RBM5: variants seen among roughly 807,000 people sequenced by gnomAD.
RBM5 encodes RNA binding motif protein 5.
Under a neutral mutation model 124.6 loss-of-function variants are expected in RBM5, and 15 were observed. The ratio of observed to expected loss-of-function variants is 0.12; its 90% CI spans 0.08 to 0.19. The LOEUF (loss-of-function observed/expected upper bound fraction) is 0.19, where lower values mean the gene tolerates loss of function less well. RBM5 is among the 10% of genes least tolerant of loss of function. The probability of loss-of-function intolerance (pLI) is 1.00; values close to 1 mark genes in which losing one functional copy is unlikely to be tolerated. For missense variants in RBM5, 580 were observed against 1,026.5 expected, an observed-to-expected ratio of 0.57 and a Z score of 5.94; for synonymous variants, 337 against 361.2, an observed-to-expected ratio of 0.93 and a Z score of 0.76.
intron 11 of RBM5, 54 bp downstream of exon 11, chr3:50,106,918 G>A (rs2091043911): frequency 3.6e-6 from 5 of 1,394,552 alleles, no homozygotes; most frequent in African/African-American, 1.4e-5. Context: ...CATTTGTACA[G>A]TGTGCTAACT....
chr3:50,116,806 C>A (rs1310363204), intron 22 of RBM5: 10 of 436,918 alleles, frequency 2.3e-5, no homozygotes, highest in Non-Finnish European at 4.3e-5. Flanking sequence ...GGTTGAGTAG[C>A]TTGACAGAGG....
chr3:50,093,276 A>G (rs1463967879), intron 3 of RBM5, among the ~76,000 whole-genome samples: 1 of 151,640 alleles, frequency 6.6e-6, no homozygotes, highest in Admixed American at 6.6e-5. Context: ...TGTCTCTACT[A>G]AAAATACAAA....
chr3:50,098,897 G>C (rs1350493379), intron 4 of RBM5, among the ~76,000 whole-genome samples: 1 of 152,152 alleles, frequency 6.6e-6, no homozygotes, highest in African/African-American at 2.4e-5. Context: ...AAAGGACAGG[G>C]AGATTAGACT....
rs978493759 is a variant in RBM5, at chr3:50,105,553, C to A, written c.699C>A (p.Ile233=). The A allele has an allele frequency of 6.2e-7, 1 of 1,612,936 alleles. No homozygotes were observed. Among genetic ancestry groups the A allele is most frequent in the Admixed American group, 1.7e-5 (1 of 59,792 alleles). The change falls in exon 10 of 25, where the codon ATC becomes ATA. Residue 233 remains isoleucine, a synonymous_variant. Transcript: ENST00000347869. ...ATTTGTCTCATTTACCCCTAGCGAT[C>A]ATTCTTCGGAACATAGCTCCGCACA... ...VQSVDYYCDT[I]ILRNIAPHTV...
intron 8 of RBM5, 72 bp downstream of exon 8, chr3:50,104,380 G>T: frequency 6.9e-7 from 1 of 1,450,108 alleles, no homozygotes; most frequent in Non-Finnish European, 9.7e-7. Flanking sequence ...GTGGCTCACT[G>T]TAATCCCACC....
At chr3:50,099,767 CAGG>C (rs1219853677) in intron 4 of RBM5, 1 of 389,404 alleles carries the variant, frequency 2.6e-6, no homozygotes, top group Non-Finnish European at 4.7e-6. Context: ...GAGGCTGAGG[CAGG>C]AGAATTGCTT....
At position 50,107,581 on chromosome 3, in the gene RBM5, G is replaced by A. The variant is rs2091056489; in HGVS notation, c.1041+12G>A. The stretch of plus-strand genomic sequence containing the variant: ...GGTCATCCACCCAGGTAAGATCGAG[G>A]ATCTTTTTGCTCAAGGTAGTGTGGT... On this transcript the variant is annotated intron_variant, in intron 12 of 24. Transcript: ENST00000347869. 2 of 1,577,282 alleles carry A rather than the reference G, an allele frequency of 1.3e-6. No homozygotes were observed. Among genetic ancestry groups the A allele is most frequent in the Non-Finnish European group, 1.7e-6 (2 of 1,149,432 alleles).
intron 2 of RBM5, 52 bp downstream of exon 2, chr3:50,090,503 ACTCC>A: frequency 6.3e-7 from 1 of 1,595,430 alleles, no homozygotes; most frequent in Non-Finnish European, 8.6e-7. Context: ...TGGGGACTGA[ACTCC>A]TTGTTTAAAA....
At chr3:50,106,614 A>G (rs2091037906) in intron 10 of RBM5, 153 bp from the exon 11 acceptor site, 4 of 608,834 alleles carry the variant, frequency 6.6e-6, no homozygotes, top group Non-Finnish European at 1.2e-5. Flanking sequence ...GGAAAGAGAG[A>G]TATTCCTTTC....
In RBM5 at chr3:50,103,603, G is replaced by A. The variant is rs897584568; in HGVS notation, c.567+437G>A. Among the ~76,000 whole-genome samples, 8 of 152,192 alleles carry A rather than the reference G, an allele frequency of 5.3e-5. No individual in the cohort carries two copies. In the East Asian group the frequency reaches 5.8e-4, roughly 11 times the overall value. Reference sequence around the variant, plus strand: ...AGAGGTTGCAATGAGCCAAGATCGCGCCACTGCACTCTAGCCTGGGTGACA... The same window carrying A: ...AGAGGTTGCAATGAGCCAAGATCGCACCACTGCACTCTAGCCTGGGTGACA... On this transcript the variant is annotated intron_variant, in intron 7 of 24. Coordinates refer to ENST00000347869, the MANE Select transcript of RBM5 (RefSeq NM_005778.4).
At position 50,117,593 on chromosome 3, in the gene RBM5, C is replaced by T; in HGVS notation, c.2322+214C>T. ...CCCAGAAGTTTGAGACCAGCCTGGG[C>T]AACACGGTGAAACCCCGTCTCTACT... On this transcript the variant is annotated intron_variant, in intron 24 of 24. Transcript: ENST00000347869. The surrounding 1 kb of genome is among the most constrained non-coding windows in gnomAD (Gnocchi z 4.2). The T allele has an allele frequency of 1.9e-6, 1 of 532,144 alleles. No individual in the cohort carries two copies. The highest frequency in any genetic ancestry group is 3.2e-6 in the Non-Finnish European group (1 of 308,144). The allele number at this position is 532,144 out of a possible 1,614,324, so 33.0% of individuals were successfully genotyped here.
chr3:50,114,907 C>G (rs1467383751), intron 20 of RBM5: 2 of 156,018 alleles, frequency 1.3e-5, no homozygotes, highest in Non-Finnish European at 2.8e-5. Flanking sequence ...TGGCTCACAC[C>G]TGTAATCCCA....
At chr3:50,102,825 G>A (rs936653602) in intron 6 of RBM5, 11 of 437,668 alleles carry the variant, frequency 2.5e-5, no homozygotes, top group African/African-American at 1.0e-4. Context: ...CTGGAGACAC[G>A]GCCTGGTGCA....
At position 50,105,114 on chromosome 3, in the gene RBM5, G is replaced by A. The variant is rs780090314; in HGVS notation, c.666G>A (p.Ser222=). ...AAGTGCCTCCTGGAACCACAGAGTCGGTTCAGTCTGTGGATTACTACTGTG... is the reference window on the plus strand; with the variant it reads ...AAGTGCCTCCTGGAACCACAGAGTCAGTTCAGTCTGTGGATTACTACTGTG... ...EQEVPPGTTE[S]VQSVDYYCDT... is the part of the protein sequence containing the mutation. The change falls in exon 9 of 25, where the codon TCG becomes TCA. Residue 222 remains serine, a synonymous_variant. Transcript: ENST00000347869. The A allele has an allele frequency of 1.6e-5, 26 of 1,598,118 alleles. No homozygotes were observed. The highest frequency in any genetic ancestry group is 4.5e-5 in the East Asian group (2 of 44,648).
rs1179933599 is a variant in RBM5, at chr3:50,106,769, T to G, written c.858T>G (p.Asp286Glu). ...TTTTCCTTCACATTCTCCTTCAGGA[T>G]GCTTCTCAGCTGCTTCAGATATTAC... The part of the protein sequence containing the change: ...FAFVQLSSAM[D>E]ASQLLQILQS... The change falls in exon 11 of 25, where the codon GAT becomes GAG. Residue 286 changes from aspartate to glutamate, a missense_variant and splice_region_variant. By Grantham distance (45) the Asp-to-Glu change is conservative. This residue lies in a region of RBM5 where 42 missense variants were observed against 101.1 expected (regional missense o/e 0.42). Coordinates refer to ENST00000347869, the MANE Select transcript of RBM5 (RefSeq NM_005778.4). 1 of 1,597,694 alleles carries G rather than the reference T, an allele frequency of 6.3e-7. No individual in the cohort carries two copies. The highest frequency in any genetic ancestry group is 1.1e-5 in the South Asian group (1 of 90,710).
rs763472553 is a variant in RBM5, at chr3:50,115,892, A to C, written c.2020-14A>C. 9.3e-6 allele frequency: 15 copies of C among 1,606,550 alleles called. No individual in the cohort carries two copies. The highest frequency in any genetic ancestry group is 2.2e-5 in the South Asian group (2 of 90,858). On this transcript the variant is annotated splice_polypyrimidine_tract_variant and intron_variant, in intron 21 of 24. Transcript: ENST00000347869. ...GTCTGAGTCCTTACTGTGTCTTTCA[A>C]ATCTTTTGTGTAGCAAAACATGGAC...
Position 50,091,146 on chromosome 3 carries a change from A to G in RBM5, c.17+695A>G, listed in dbSNP as rs377734562. On this transcript the variant is annotated intron_variant, in intron 2 of 24. Transcript: ENST00000347869. ...GTAGATCACATTGACAGGCTGAGGG[A>G]CCTTAGGAGATGTTCATGTCACATG... Among the ~76,000 whole-genome samples the G allele has an allele frequency of 1.2e-4, 18 of 152,214 alleles. No individual in the cohort carries two copies. In the East Asian group the frequency reaches 2.3e-3, roughly 20 times the overall value.
intron 2 of RBM5, 56 bp from the exon 3 acceptor site, chr3:50,091,987 C>T (rs1294562692): frequency 6.4e-7 from 1 of 1,561,468 alleles, no homozygotes; most frequent in East Asian, 2.2e-5. Context: ...TTAACTATGT[C>T]TTTTAAAGGT....
At chr3:50,115,270 T>C in intron 20 of RBM5, 158 bp from the exon 21 acceptor site, 1 of 834,876 alleles carries the variant, frequency 1.2e-6, no homozygotes, top group South Asian at 1.8e-5. Context: ...ACCTGACTGC[T>C]CCACGCAGTT....
Sources: allele counts gnomAD v4.1 joint callset (sites outside exome capture counted in the v4.1 genomes callset), GRCh38; gene constraint gnomAD v4.1.1; regional missense constraint gnomAD v4.1.1; non-coding constraint Gnocchi (gnomAD v3.1); transcripts MANE v1.5; gene names NCBI Gene and HGNC (gene_info 2026-07-23, HGNC 2026-07-21).